The following GALM variants were observed in gnomAD, a reference collection of about 807,000 sequenced individuals.
The protein encoded by GALM is aldose 1-epimerase.
GALM carries 43 observed loss-of-function variants against 37.4 expected under a neutral mutation model. The observed-to-expected ratio is 1.15, with a 90% CI of 0.90 to 1.48. The LOEUF is 1.48. Among genes scored for constraint, GALM ranks in the 40% most tolerant of loss-of-function variants. The pLI, the probability that GALM is intolerant of heterozygous loss-of-function variation, is 0.00. For synonymous variants in GALM, 199 were observed against 170.6 expected, an observed-to-expected ratio of 1.17 and a Z score of -1.30; for missense variants, 456 against 419.1, an observed-to-expected ratio of 1.09 and a Z score of -0.77.
At chr2:38,698,608 GC>G (rs913111238) in intron 4 of GALM, among the ~76,000 whole-genome samples, 5 of 152,012 alleles carry the variant, frequency 3.3e-5, no homozygotes, top group Admixed American at 3.3e-4. Flanking sequence ...AGTCCCTCTG[GC>G]ATGTGTTTTC....
At chr2:38,693,437 C>T (rs981508495) in intron 4 of GALM, among the ~76,000 whole-genome samples, 4 of 147,988 alleles carry the variant, frequency 2.7e-5, no homozygotes, top group Non-Finnish European at 4.4e-5. Context: ...GAGCCCAGAT[C>T]ACGCCACTTT....
Position 38,699,447 on chromosome 2 carries a change from G to T in GALM, c.634+9553G>T, listed in dbSNP as rs1388490248. On this transcript the variant is annotated intron_variant, in intron 4 of 6. Coordinates refer to ENST00000272252, the MANE Select transcript of GALM (RefSeq NM_138801.3). ...ATTTGAAAATATACAATAAGTTGTT[G>T]TTAATTATAGTCACCCTATAGTGCT... 2.0e-5 allele frequency among the ~76,000 whole-genome samples: 3 copies of T among 152,152 alleles called. No individual in the cohort carries two copies. The South Asian group carries it at 6.2e-4, about 32-fold the overall frequency.
chr2:38,672,030 G>GAA (rs897210954), intron 1 of GALM, among the ~76,000 whole-genome samples: 2 of 144,554 alleles, frequency 1.4e-5, no homozygotes, highest in Non-Finnish European at 3.0e-5. Context: ...TAATTATGGG[G>GAA]AAAAAAAAAA....
At chr2:38,706,311 A>C (rs1666035265) in intron 4 of GALM, among the ~76,000 whole-genome samples, 1 of 149,624 alleles carries the variant, frequency 6.7e-6, no homozygotes, top group Non-Finnish European at 1.5e-5. Context: ...CTGGAATTTT[A>C]ACTTTAGATC....
In GALM at chr2:38,731,917, C is replaced by A. The variant is rs1666617479; in HGVS notation, c.951+8C>A. On this transcript the variant is annotated splice_region_variant and intron_variant, in intron 6 of 6. Transcript: ENST00000272252. ...CCTGATGCAGTCAATCAGGTAATGC[C>A]ACAGGCTGGCTTTTCAGAGTAGAGT... 1.9e-6 allele frequency: 3 copies of A among 1,612,884 alleles called. No homozygotes were observed. In the East Asian group the frequency reaches 6.7e-5, roughly 36 times the overall value.
intron 4 of GALM, among the ~76,000 whole-genome samples, chr2:38,705,861 G>C (rs373059626): frequency 6.6e-6 from 1 of 151,856 alleles, no homozygotes; most frequent in Non-Finnish European, 1.5e-5. Context: ...TATTTTTGAC[G>C]GAGTCTTGTG....
At chr2:38,670,838 T>G (rs566179769) in intron 1 of GALM, among the ~76,000 whole-genome samples, 1 of 152,256 alleles carries the variant, frequency 6.6e-6, no homozygotes, top group Non-Finnish European at 1.5e-5. Flanking sequence ...TATCTGAGAT[T>G]ACTAAAGTGC....
At chr2:38,697,526 A>C (rs1665836096) in intron 4 of GALM, among the ~76,000 whole-genome samples, 1 of 152,196 alleles carries the variant, frequency 6.6e-6, no homozygotes, top group Non-Finnish European at 1.5e-5. Context: ...TGCATATCTA[A>C]ACTTTAGGGG....
At chr2:38,682,572 T>C (rs542202819) in intron 3 of GALM, among the ~76,000 whole-genome samples, 30 of 152,266 alleles carry the variant, frequency 2.0e-4, no homozygotes, top group African/African-American at 7.2e-4. Context: ...GGGTTCCTTA[T>C]CCTCAGGAAC....
chr2:38,726,054 C>A (rs1409505676), intron 4 of GALM, among the ~76,000 whole-genome samples: 1 of 151,894 alleles, frequency 6.6e-6, no homozygotes, highest in Non-Finnish European at 1.5e-5. Flanking sequence ...CAAAAGCATA[C>A]CCAAGTGGGT....
At chr2:38,670,205 T>G (rs1665057905) in intron 1 of GALM, among the ~76,000 whole-genome samples, 1 of 152,216 alleles carries the variant, frequency 6.6e-6, no homozygotes, top group African/African-American at 2.4e-5. Context: ...ACAGTCATTA[T>G]GATTTCTTTC....
At chr2:38,709,278 T>C (rs1666104228) in intron 4 of GALM, among the ~76,000 whole-genome samples, 1 of 152,090 alleles carries the variant, frequency 6.6e-6, no homozygotes, top group South Asian at 2.1e-4. Flanking sequence ...GCAGCAGGAC[T>C]AGGAGGCTGC....
chr2:38,670,926 A>C (rs1465477147), intron 1 of GALM, among the ~76,000 whole-genome samples: 2 of 152,158 alleles, frequency 1.3e-5, no homozygotes, highest in African/African-American at 4.8e-5. Flanking sequence ...GAGAGTGGTG[A>C]GTAATTTTAT....
chr2:38,731,012 G>A (rs909694058), intron 5 of GALM, among the ~76,000 whole-genome samples: 2 of 151,642 alleles, frequency 1.3e-5, no homozygotes, highest in African/African-American at 2.4e-5. Flanking sequence ...GATCACCTGA[G>A]GTCAGTAGTT....
intron 4 of GALM, among the ~76,000 whole-genome samples, chr2:38,691,632 C>T (rs1572522500): frequency 6.6e-6 from 1 of 151,666 alleles, no homozygotes; most frequent in East Asian, 1.9e-4. Flanking sequence ...TGCAGTGAGC[C>T]GTGATCTCTG....
chr2:38,693,910 G>A (rs1321533180), intron 4 of GALM, among the ~76,000 whole-genome samples: 1 of 152,212 alleles, frequency 6.6e-6, no homozygotes, highest in Non-Finnish European at 1.5e-5. Flanking sequence ...TTTGGTGCCA[G>A]GCACAGTGGC....
In GALM at chr2:38,698,307, A is replaced by C. The variant is rs574693971; in HGVS notation, c.634+8413A>C. ...GAAATTCCGGCACTTAGGAGTCAGC[A>C]GTGGTGTATTGAGTGCATAGCCCTT... On this transcript the variant is annotated intron_variant, in intron 4 of 6. Transcript: ENST00000272252. The C allele has an allele frequency of 6.3e-5, 52 of 830,886 alleles. No individual in the cohort carries two copies. In the South Asian group the frequency reaches 7.1e-4, roughly 11 times the overall value. 51.5% of individuals were successfully genotyped at this position (830,886 alleles called of 1,614,324 possible).
At chr2:38,683,376 A>C (rs1665443816) in intron 3 of GALM, among the ~76,000 whole-genome samples, 1 of 152,170 alleles carries the variant, frequency 6.6e-6, no homozygotes, top group African/African-American at 2.4e-5. Flanking sequence ...TCCCTTATCC[A>C]AAATACTTGA....
chr2:38,705,482 G>C (rs1666017269), intron 4 of GALM, among the ~76,000 whole-genome samples: 1 of 152,140 alleles, frequency 6.6e-6, no homozygotes, highest in African/African-American at 2.4e-5. Context: ...AATGCCTGTG[G>C]GACTGAAGGA....
Sources: gnomAD v4.1 joint callset for allele counts (sites outside exome capture counted in the v4.1 genomes callset) on GRCh38, gnomAD v4.1.1 for gene constraint, MANE v1.5 for transcripts, NCBI Gene and HGNC (gene_info 2026-07-23, HGNC 2026-07-21) for gene names.